Variants in DLG2 observed in about 807,000 individuals in gnomAD.
DLG2 encodes the protein disks large homolog 2.
A neutral mutation model predicts 132.5 loss-of-function variants in DLG2; 45 were observed. The ratio of observed to expected loss-of-function variants is 0.34; its 90% CI spans 0.27 to 0.44. The LOEUF (loss-of-function observed/expected upper bound fraction) is 0.44, where lower values mean the gene tolerates loss of function less well. DLG2 is among the 20% of genes least tolerant of loss of function. DLG2 has a pLI of 1.00. For missense variants in DLG2, 1,045 were observed against 1,196.9 expected, an observed-to-expected ratio of 0.87 and a Z score of 1.87; for synonymous variants, 424 against 419.6, an observed-to-expected ratio of 1.01 and a Z score of -0.13.
chr11:83,839,698 G>T (rs547513007), intron 16 of DLG2, among the ~76,000 whole-genome samples: 59 of 152,286 alleles, frequency 3.9e-4, no homozygotes, highest in African/African-American at 1.3e-3. Context: ...TAAGCCAGAG[G>T]AGGATTCTTA....
intron 7 of DLG2, among the ~76,000 whole-genome samples, chr11:84,293,531 G>C (rs993118269): frequency 6.6e-6 from 1 of 151,980 alleles, no homozygotes; most frequent in South Asian, 2.1e-4. Context: ...AAAATTAGCC[G>C]TGCATAGTGG....
chr11:85,516,935 C>G (rs1362066108), intron 3 of DLG2, among the ~76,000 whole-genome samples: 1 of 151,852 alleles, frequency 6.6e-6, no homozygotes, highest in Non-Finnish European at 1.5e-5. Context: ...AAACCAGTAC[C>G]ACCCTGATAT....
chr11:83,579,892 C>T (rs147570273), intron 19 of DLG2, among the ~76,000 whole-genome samples: 2,671 of 152,056 alleles, frequency 0.018, 99 homozygotes, highest in African/African-American at 0.062. Context: ...ATGGCTTGAA[C>T]CTGGGAGGTG....
At chr11:84,288,725 C>T (rs1209931304) in intron 7 of DLG2, among the ~76,000 whole-genome samples, 1 of 152,024 alleles carries the variant, frequency 6.6e-6, no homozygotes, top group Non-Finnish European at 1.5e-5. Context: ...ACTATGAAGT[C>T]AAGACAGTGA....
intron 3 of DLG2, among the ~76,000 whole-genome samples, chr11:85,516,428 G>GA (rs1313764272): frequency 2.0e-5 from 3 of 151,736 alleles, no homozygotes; most frequent in African/African-American, 7.3e-5. Flanking sequence ...CTAGCAGAAG[G>GA]AAAAAATTCA....
intron 6 of DLG2, among the ~76,000 whole-genome samples, chr11:84,581,570 T>G: frequency 6.6e-6 from 1 of 152,168 alleles, no homozygotes; most frequent in East Asian, 1.9e-4. Flanking sequence ...TCCAACTTTA[T>G]AATGTCTCTC....
intron 7 of DLG2, among the ~76,000 whole-genome samples, chr11:84,300,670 G>A (rs1046300770): frequency 2.0e-5 from 3 of 152,106 alleles, no homozygotes; most frequent in African/African-American, 7.2e-5. Flanking sequence ...TATTATAGAA[G>A]ACATCATAAG....
At chr11:83,758,825 G>T (rs1300831133) in intron 18 of DLG2, among the ~76,000 whole-genome samples, 1 of 151,790 alleles carries the variant, frequency 6.6e-6, no homozygotes, top group Non-Finnish European at 1.5e-5. Flanking sequence ...TCATAATATG[G>T]CTTGCAATTG....
chr11:84,899,722 C>CA (rs2090652845), intron 6 of DLG2, among the ~76,000 whole-genome samples: 1 of 152,074 alleles, frequency 6.6e-6, no homozygotes, highest in Admixed American at 6.6e-5. Context: ...CTTCACCACT[C>CA]AGAGATACAT....
chr11:85,437,151 G>A (rs1301455287), intron 3 of DLG2, among the ~76,000 whole-genome samples: 2 of 152,098 alleles, frequency 1.3e-5, no homozygotes, highest in Non-Finnish European at 2.9e-5. Context: ...GAACTGCGTG[G>A]GGAGGGATGC....
chr11:84,572,475 G>C (rs765935760), intron 6 of DLG2, among the ~76,000 whole-genome samples: 2 of 152,148 alleles, frequency 1.3e-5, no homozygotes, highest in African/African-American at 4.8e-5. Context: ...ATGTGGAGCA[G>C]AGATGAGCTA....
intron 5 of DLG2, among the ~76,000 whole-genome samples, chr11:85,141,286 C>T (rs2076454776): frequency 6.6e-6 from 1 of 151,658 alleles, no homozygotes; most frequent in Non-Finnish European, 1.5e-5. Context: ...TGATACCCCA[C>T]TGTTGTTTTG....
chr11:85,456,530 G>C (rs983906765), intron 3 of DLG2, among the ~76,000 whole-genome samples: 7 of 152,104 alleles, frequency 4.6e-5, no homozygotes, highest in African/African-American at 1.4e-4. Context: ...GTTTGCTCTT[G>C]TGTCTCTAGT....
chr11:84,879,643 A>T (rs1399282041), intron 6 of DLG2, among the ~76,000 whole-genome samples: 2 of 152,144 alleles, frequency 1.3e-5, no homozygotes, highest in Admixed American at 6.6e-5. Flanking sequence ...GTATGAAGCA[A>T]AAGTACTGGT....
At chr11:84,714,647 TTCTCTCTCTC>T (rs754541162) in intron 6 of DLG2, among the ~76,000 whole-genome samples, 4 of 90,650 alleles carry the variant, frequency 4.4e-5, no homozygotes, top group Non-Finnish European at 6.3e-5. Flanking sequence ...CTCTCTCTCT[TTCTCTCTCTC>T]TCTCTCTCTC....
intron 6 of DLG2, among the ~76,000 whole-genome samples, chr11:84,678,553 C>T (rs1028849114): frequency 6.6e-6 from 1 of 152,060 alleles, no homozygotes; most frequent in African/African-American, 2.4e-5. Flanking sequence ...ATTGTCTATA[C>T]TGATGAATGA....
At chr11:85,526,863 G>C (rs1056657515) in intron 3 of DLG2, among the ~76,000 whole-genome samples, 2 of 152,002 alleles carry the variant, frequency 1.3e-5, no homozygotes, top group African/African-American at 2.4e-5. Context: ...AAATACTAAA[G>C]GTCAAAACAC....
chr11:83,979,615 C>T (rs1374479369), intron 12 of DLG2, among the ~76,000 whole-genome samples: 2 of 152,118 alleles, frequency 1.3e-5, no homozygotes, highest in Admixed American at 6.6e-5. Context: ...CAATGTCAAT[C>T]ACTGCCTAGG....
intron 3 of DLG2, among the ~76,000 whole-genome samples, chr11:85,456,724 T>C (rs1462085557): frequency 6.6e-6 from 1 of 152,184 alleles, no homozygotes; most frequent in African/African-American, 2.4e-5. Context: ...TCCCTATTTA[T>C]CCAAAAATCA....
Sources: gnomAD v4.1 joint callset for allele counts (sites outside exome capture counted in the v4.1 genomes callset) on GRCh38, gnomAD v4.1.1 for gene constraint, MANE v1.5 for transcripts, NCBI Gene and HGNC (gene_info 2026-07-23, HGNC 2026-07-21) for gene names.